Variants in MBD5 observed in about 807,000 individuals in gnomAD.
MBD5 encodes the protein methyl-CpG-binding domain protein 5.
In MBD5, 13 loss-of-function variants were observed where a neutral mutation model predicts 117.3. The observed-to-expected ratio is 0.11, with a 90% CI of 0.07 to 0.18. The LOEUF (loss-of-function observed/expected upper bound fraction) is 0.18. Among genes scored for constraint, MBD5 ranks in the 10% least tolerant of loss-of-function variants. MBD5 has a pLI of 1.00. For missense variants in MBD5, 1,879 were observed against 2,093.8 expected (o/e 0.90, Z 2.00); for synonymous variants, 727 against 766.4 (o/e 0.95, Z 0.85).
intron 4 of MBD5, among the ~76,000 whole-genome samples, chr2:148,430,658 A>T (rs1350229788): frequency 6.6e-6 from 1 of 152,006 alleles, no homozygotes; most frequent in African/African-American, 2.4e-5. Context: ...AGGTATATTT[A>T]TTTTCAGAGA....
At chr2:148,052,224 T>G (rs1272361672) in intron 1 of MBD5, among the ~76,000 whole-genome samples, 1 of 145,110 alleles carries the variant, frequency 6.9e-6, no homozygotes, top group East Asian at 2.0e-4. Flanking sequence ...TTTTTTTTTT[T>G]TTTGAGATGG....
At chr2:148,352,251 A>G (rs1703266498) in intron 4 of MBD5, among the ~76,000 whole-genome samples, 1 of 152,004 alleles carries the variant, frequency 6.6e-6, no homozygotes, top group South Asian at 2.1e-4. Flanking sequence ...CTTGCCACCA[A>G]TGGAGAACAA....
chr2:148,264,710 C>A (rs925811415), intron 3 of MBD5: 1 of 152,178 alleles, frequency 6.6e-6, no homozygotes, highest in East Asian at 1.9e-4. Flanking sequence ...AAAGCCTTGC[C>A]AATGTCATAC....
intron 2 of MBD5, among the ~76,000 whole-genome samples, chr2:148,216,993 TAAAGTAATGTTTATCCAG>T (rs1228442867): frequency 6.6e-6 from 1 of 152,198 alleles, no homozygotes; most frequent in African/African-American, 2.4e-5. Flanking sequence ...TTTTAGGACC[TAAAGTAATGTTTATCCAG>T]AAACTGCTGT....
chr2:148,195,376 T>C (rs1698957404), intron 2 of MBD5, among the ~76,000 whole-genome samples: 1 of 152,102 alleles, frequency 6.6e-6, no homozygotes, highest in South Asian at 2.1e-4. Flanking sequence ...GTATATCCAC[T>C]TAACAATAGA....
intron 4 of MBD5, among the ~76,000 whole-genome samples, chr2:148,353,951 C>T (rs1338295323): frequency 2.0e-5 from 3 of 151,864 alleles, no homozygotes; most frequent in African/African-American, 7.3e-5. Context: ...TTGTCCCATT[C>T]GCTATAGATA....
chr2:148,469,817 C>T lies in MBD5; in HGVS notation c.1874C>T (p.Pro625Leu). ...CATAGCACTTTAAACACCATGTTCC[C>T]TCCTACTGCCAACATGCTTCTCCCA... is the stretch of plus-strand genomic sequence containing the variant. ...EGHSTLNTMF[P>L]PTANMLLPTG... The change falls in exon 8 of 14, where the codon CCT becomes CTT. Residue 625 changes from proline (P) to leucine (L), a missense_variant. Pro to Leu is a moderately conservative substitution (Grantham distance 98). Around this residue, in one of 4 missense-constraint regions of MBD5, gnomAD observed 1,666 missense variants for 1,792.2 expected, o/e 0.93. Transcript: ENST00000642680. 1.2e-6 allele frequency: 2 copies of T among 1,613,938 alleles called. No individual in the cohort carries two copies. Among genetic ancestry groups the T allele is most frequent in the South Asian group, 2.2e-5 (2 of 91,078 alleles).
rs114477317 is a variant in MBD5, at chr2:148,407,007, C to G, written c.-556-51196C>G. On this transcript the variant is annotated intron_variant, in intron 4 of 13. Transcript: ENST00000642680. ...GTTATTGGTTTTTGATCTGTATGCA[C>G]CATTACAATGTAAACTCCAGGAGAG... is the stretch of plus-strand genomic sequence containing the variant. Among the ~76,000 whole-genome samples the G allele has an allele frequency of 8.3e-3, 1,269 of 152,184 alleles. 19 individuals carry two copies. The highest frequency in any genetic ancestry group is 0.029 in the African/African-American group (1,188 of 41,512).
At chr2:148,398,974 A>G (rs1208742291) in intron 4 of MBD5, among the ~76,000 whole-genome samples, 3 of 152,122 alleles carry the variant, frequency 2.0e-5, no homozygotes, top group African/African-American at 7.2e-5. Context: ...GATATGTGGC[A>G]TTATTTCTGA....
chr2:148,250,427 G>C (rs1700439054), intron 3 of MBD5, among the ~76,000 whole-genome samples: 1 of 152,110 alleles, frequency 6.6e-6, no homozygotes. Flanking sequence ...ACCTGCACAT[G>C]GACCCCTGAA....
intron 2 of MBD5, among the ~76,000 whole-genome samples, chr2:148,213,043 A>G (rs1574143541): frequency 6.6e-6 from 1 of 151,990 alleles, no homozygotes; most frequent in South Asian, 2.1e-4. Context: ...CAATCTTTGT[A>G]CTCGTCTCCT....
intron 3 of MBD5, among the ~76,000 whole-genome samples, chr2:148,338,996 C>T (rs534139365): frequency 3.3e-5 from 5 of 152,180 alleles, no homozygotes; most frequent in South Asian, 2.1e-4. Context: ...AGCAGGCACT[C>T]GTGACAACGT....
intron 3 of MBD5, among the ~76,000 whole-genome samples, chr2:148,276,784 G>T (rs992568042): frequency 6.6e-6 from 1 of 151,844 alleles, no homozygotes; most frequent in African/African-American, 2.4e-5. Context: ...GTTTCACAAA[G>T]AAATATTTGA....
intron 1 of MBD5, among the ~76,000 whole-genome samples, chr2:148,151,692 T>G (rs1288252143): frequency 4.6e-5 from 7 of 152,272 alleles, no homozygotes; most frequent in East Asian, 1.9e-4. Flanking sequence ...GTTGAGGAAT[T>G]TATCCATTTC....
intron 2 of MBD5, among the ~76,000 whole-genome samples, chr2:148,221,508 T>C (rs1043355111): frequency 1.3e-5 from 2 of 152,188 alleles, no homozygotes; most frequent in African/African-American, 4.8e-5. Flanking sequence ...ATTTCTCTAA[T>C]TATCAGTGAT....
chr2:148,347,460 A>G (rs146470539), intron 4 of MBD5: 5 of 152,098 alleles, frequency 3.3e-5, no homozygotes, highest in Admixed American at 3.3e-4. Context: ...AATTATTTTA[A>G]TATGGCATGC....
chr2:148,286,955 T>C (rs1361275379), intron 3 of MBD5, among the ~76,000 whole-genome samples: 1 of 152,176 alleles, frequency 6.6e-6, no homozygotes, highest in Non-Finnish European at 1.5e-5. Context: ...ATTTTCATTT[T>C]TGTAATTTCT....
intron 3 of MBD5, among the ~76,000 whole-genome samples, chr2:148,261,178 A>G (rs1353301276): frequency 6.6e-6 from 1 of 152,198 alleles, no homozygotes; most frequent in Non-Finnish European, 1.5e-5. Flanking sequence ...GTTAATGACC[A>G]TTGGCTTCAA....
chr2:148,263,235 T>C (rs1343241790), intron 3 of MBD5, among the ~76,000 whole-genome samples: 2 of 152,046 alleles, frequency 1.3e-5, no homozygotes, highest in Non-Finnish European at 2.9e-5. Context: ...GGCTGAGAAA[T>C]AGAGAAAAGG....
Sources: gnomAD v4.1 joint callset for allele counts (sites outside exome capture counted in the v4.1 genomes callset) on GRCh38, gnomAD v4.1.1 for gene constraint, gnomAD v4.1.1 regional missense constraint, MANE v1.5 for transcripts, NCBI Gene and HGNC (gene_info 2026-07-23, HGNC 2026-07-21) for gene names.